The following DST variants were observed in gnomAD, a reference collection of about 807,000 sequenced individuals.
The protein encoded by DST is dystonin.
In DST, 253 loss-of-function variants were observed where a neutral mutation model predicts 875.2. The ratio of observed to expected loss-of-function variants is 0.29; its 90% confidence interval spans 0.26 to 0.32. The LOEUF (loss-of-function observed/expected upper bound fraction) is 0.32, where lower values mean the gene tolerates loss of function less well. Among genes scored for constraint, DST ranks in the 10% least tolerant of loss-of-function variants. DST has a pLI of 1.00. For synonymous variants in DST, 3,124 were observed against 3,197.1 expected (o/e 0.98, Z 0.77); for missense variants, 8,287 against 9,111.6 (o/e 0.91, Z 3.68).
chr6:56,787,952 T>C (rs1380823841), intron 4 of DST, among the ~76,000 whole-genome samples: 2 of 151,272 alleles, frequency 1.3e-5, no homozygotes, highest in African/African-American at 4.9e-5. Flanking sequence ...CAGCCTGGCC[T>C]CTACTAAAAA....
chr6:56,811,922 C>A (rs1184211060), intron 4 of DST, among the ~76,000 whole-genome samples: 1 of 151,506 alleles, frequency 6.6e-6, no homozygotes, highest in Non-Finnish European at 1.5e-5. Flanking sequence ...TGGTGAAACC[C>A]CATCTCTACT....
chr6:56,889,905 G>A (rs1290422457), intron 3 of DST, among the ~76,000 whole-genome samples: 1 of 152,060 alleles, frequency 6.6e-6, no homozygotes, highest in Non-Finnish European at 1.5e-5. Context: ...TGATGTTTGA[G>A]GTTTACCTAT....
intron 103 of DST, among the ~76,000 whole-genome samples, chr6:56,459,687 G>C (rs2152368349): frequency 6.6e-6 from 1 of 152,316 alleles, no homozygotes; most frequent in African/African-American, 2.4e-5. Flanking sequence ...GAATTCAACA[G>C]ATGAGATTGG....
chr6:56,601,932 A>G (rs1017161097), intron 43 of DST: 10 of 450,348 alleles, frequency 2.2e-5, no homozygotes, highest in Non-Finnish European at 3.6e-5. Flanking sequence ...TACCTGTCAC[A>G]TTGCACTTAA....
chr6:56,872,400 T>TA (rs1777619497), intron 3 of DST, among the ~76,000 whole-genome samples: 1 of 152,134 alleles, frequency 6.6e-6, no homozygotes, highest in African/African-American at 2.4e-5. Flanking sequence ...CTCATACCTG[T>TA]AGTCACAGCT....
intron 50 of DST, among the ~76,000 whole-genome samples, chr6:56,574,190 G>C (rs2097826943): frequency 6.6e-6 from 1 of 152,062 alleles, no homozygotes; most frequent in Non-Finnish European, 1.5e-5. Context: ...AGAGACAAAA[G>C]AGTAGTCCGA....
chr6:56,721,916 C>T (rs2099418155), intron 5 of DST, among the ~76,000 whole-genome samples: 1 of 152,084 alleles, frequency 6.6e-6, no homozygotes, highest in African/African-American at 2.4e-5. Flanking sequence ...AATACAGGGC[C>T]AGAAAGTATT....
At chr6:56,710,347 G>A (rs2099358340) in intron 5 of DST, among the ~76,000 whole-genome samples, 1 of 152,168 alleles carries the variant, frequency 6.6e-6, no homozygotes, top group Non-Finnish European at 1.5e-5. Context: ...AAAGGATACA[G>A]TATTCTGGAA....
chr6:56,916,080 T>C (rs1317305315), intron 2 of DST, among the ~76,000 whole-genome samples: 1 of 152,112 alleles, frequency 6.6e-6, no homozygotes, highest in Non-Finnish European at 1.5e-5. Flanking sequence ...AGATGGCAGA[T>C]AGGTGATAGG....
At chr6:56,744,863 C>T (rs956294427) in intron 4 of DST, among the ~76,000 whole-genome samples, 5 of 152,178 alleles carry the variant, frequency 3.3e-5, no homozygotes, top group African/African-American at 9.7e-5. Context: ...GAAAAAGTCC[C>T]CACTCTCATT....
At chr6:56,800,753 T>C (rs955082788) in intron 4 of DST, among the ~76,000 whole-genome samples, 2 of 152,158 alleles carry the variant, frequency 1.3e-5, no homozygotes, top group Non-Finnish European at 2.9e-5. Flanking sequence ...GCATAGTGGC[T>C]CACGCCTGTA....
At chr6:56,927,559 A>C (rs1807833876) in intron 2 of DST, among the ~76,000 whole-genome samples, 1 of 152,190 alleles carries the variant, frequency 6.6e-6, no homozygotes, top group Admixed American at 6.5e-5. Context: ...AATATGATGA[A>C]GGGAGATTTG....
intron 4 of DST, among the ~76,000 whole-genome samples, chr6:56,809,205 CA>C (rs2099756875): frequency 6.6e-6 from 1 of 152,188 alleles, no homozygotes; most frequent in Non-Finnish European, 1.5e-5. Flanking sequence ...TACCGCACCC[CA>C]AATTCTTTCT....
At chr6:56,535,637 G>A (rs951308567) in intron 62 of DST, among the ~76,000 whole-genome samples, 12 of 152,242 alleles carry the variant, frequency 7.9e-5, no homozygotes, top group Admixed American at 4.6e-4. Flanking sequence ...TATCAATATT[G>A]CATTTTATTT....
intron 4 of DST, among the ~76,000 whole-genome samples, chr6:56,793,102 A>C (rs2099733037): frequency 6.9e-6 from 1 of 144,160 alleles, no homozygotes; most frequent in African/African-American, 2.5e-5. Flanking sequence ...AAAAAAAAGC[A>C]AAAGGTTAGG....
chr6:56,522,553 C>A (rs529992682), intron 69 of DST, among the ~76,000 whole-genome samples: 1 of 152,226 alleles, frequency 6.6e-6, no homozygotes, highest in South Asian at 2.1e-4. Context: ...TCCACAACAC[C>A]TGGAGGGTCT....
chr6:56,655,160 CAA>C (rs11365303), intron 10 of DST, among the ~76,000 whole-genome samples: 1,466 of 57,282 alleles, frequency 0.026, 25 homozygotes, highest in African/African-American at 0.073. Context: ...GACTTTGCCT[CAA>C]AAAAAAAAAA....
intron 49 of DST, among the ~76,000 whole-genome samples, chr6:56,580,431 TCTCAATTA>T (rs1372625457): frequency 2.0e-4 from 30 of 152,054 alleles, no homozygotes; most frequent in African/African-American, 6.5e-4. Flanking sequence ...GTGCCTGTAG[TCTCAATTA>T]CTCAGGAGCT....
In DST at chr6:56,509,764, C is replaced by T. The variant is rs2096429215; in HGVS notation, c.18890G>A (p.Ser6297Asn). Residue 6297 changes from serine to asparagine, a missense_variant, in exon 74 of 104, where the codon AGT (serine) becomes AAT (asparagine). This residue lies in a region of DST where 1,292 missense variants were observed against 1,552.7 expected (regional missense o/e 0.83). Transcript: ENST00000680361. ...GTCTACTGACACATTCTTATTTTCA[C>T]TGATCTGTTCCTTGATCTTCTCAAC... ...AEVEKIKEQI[S>N]ENKNVSVDME... 1 of 1,613,804 alleles carries T rather than the reference C, an allele frequency of 6.2e-7. No homozygotes were observed.
Sources: gnomAD v4.1 joint callset for allele counts (sites outside exome capture counted in the v4.1 genomes callset) on GRCh38, gnomAD v4.1.1 for gene constraint, gnomAD v4.1.1 regional missense constraint, MANE v1.5 for transcripts, NCBI Gene and HGNC (gene_info 2026-07-23, HGNC 2026-07-21) for gene names.